ALK: variants seen among roughly 807,000 people sequenced by gnomAD.
ALK encodes the protein ALK receptor tyrosine kinase.
Under a neutral mutation model 163.1 loss-of-function variants are expected in ALK, and 74 were observed. That is an observed-to-expected ratio of 0.45 (90% CI 0.38 to 0.55). The LOEUF (loss-of-function observed/expected upper bound fraction) is 0.55, where lower values mean the gene tolerates loss of function less well. ALK is among the 20% of genes least tolerant of loss of function. ALK has a pLI of 0.00. For synonymous variants in ALK, 960 were observed against 843.2 expected (o/e 1.14, Z -2.40); for missense variants, 2,063 against 2,105.3 (o/e 0.98, Z 0.39).
chr2:29,502,139 C>T (rs143896626), intron 4 of ALK, among the ~76,000 whole-genome samples: 6 of 152,270 alleles, frequency 3.9e-5, no homozygotes, highest in South Asian at 4.1e-4. Context: ...CACAGGTACA[C>T]GCTGGAGAAT....
intron 5 of ALK, among the ~76,000 whole-genome samples, chr2:29,339,951 C>T (rs1244725409): frequency 1.3e-5 from 2 of 152,166 alleles, no homozygotes; most frequent in African/African-American, 2.4e-5. Flanking sequence ...TTTTTGTGGT[C>T]GGGTTCTCCG....
At chr2:29,445,773 C>T (rs887552179) in intron 4 of ALK, among the ~76,000 whole-genome samples, 1 of 151,342 alleles carries the variant, frequency 6.6e-6, no homozygotes, top group Non-Finnish European at 1.5e-5. Context: ...AGTGAGCAGA[C>T]ACTGCACCAT....
At chr2:29,464,012 C>A (rs776565675) in intron 4 of ALK, among the ~76,000 whole-genome samples, 2 of 152,172 alleles carry the variant, frequency 1.3e-5, no homozygotes, top group African/African-American at 2.4e-5. Flanking sequence ...CTGAGTCTGA[C>A]ACAGCAAAAC....
chr2:29,639,903 T>C (rs1312245404), intron 3 of ALK, among the ~76,000 whole-genome samples: 1 of 152,274 alleles, frequency 6.6e-6, no homozygotes, highest in East Asian at 1.9e-4. Context: ...CATCCACATA[T>C]CCTCCCAGAG....
intron 1 of ALK, among the ~76,000 whole-genome samples, chr2:29,754,306 C>T (rs1680453941): frequency 6.6e-6 from 1 of 152,114 alleles, no homozygotes; most frequent in Non-Finnish European, 1.5e-5. Flanking sequence ...AGCCTTTCTC[C>T]CTGCCTGCAT....
At chr2:29,533,447 G>T (rs977517044) in intron 3 of ALK, among the ~76,000 whole-genome samples, 1 of 152,184 alleles carries the variant, frequency 6.6e-6, no homozygotes, top group African/African-American at 2.4e-5. Flanking sequence ...TAGTTTGAAA[G>T]TTAAGACCAT....
intron 3 of ALK, among the ~76,000 whole-genome samples, chr2:29,675,780 A>G (rs778146392): frequency 8.6e-5 from 13 of 151,986 alleles, no homozygotes; most frequent in Non-Finnish European, 1.9e-4. Flanking sequence ...TTTCCTGTGT[A>G]GCAAACATTG....
At chr2:29,468,034 ATT>A (rs200416113) in intron 4 of ALK, among the ~76,000 whole-genome samples, 1 of 146,858 alleles carries the variant, frequency 6.8e-6, no homozygotes, top group African/African-American at 2.5e-5. Flanking sequence ...GTCCTCAATA[ATT>A]TTTTTTTTTT....
intron 4 of ALK, among the ~76,000 whole-genome samples, chr2:29,408,622 A>G (rs1313452025): frequency 6.6e-6 from 1 of 152,238 alleles, no homozygotes; most frequent in Non-Finnish European, 1.5e-5. Flanking sequence ...AAAGAGGCTT[A>G]TGTAGTACTC....
chr2:29,674,347 C>T (rs1324184154), intron 3 of ALK, among the ~76,000 whole-genome samples: 3 of 151,656 alleles, frequency 2.0e-5, no homozygotes, highest in East Asian at 1.9e-4. Context: ...GAAATACGTC[C>T]CATCAATACC....
At chr2:29,868,868 G>T (rs1263107352) in intron 1 of ALK, among the ~76,000 whole-genome samples, 1 of 152,142 alleles carries the variant, frequency 6.6e-6, no homozygotes, top group African/African-American at 2.4e-5. Context: ...CATATAAAGG[G>T]TAGTAAACCT....
At chr2:29,438,758 T>G (rs1228418695) in intron 4 of ALK, among the ~76,000 whole-genome samples, 1 of 152,204 alleles carries the variant, frequency 6.6e-6, no homozygotes, top group East Asian at 1.9e-4. Context: ...AGCAAATACC[T>G]TAGACTGACA....
intron 3 of ALK, among the ~76,000 whole-genome samples, chr2:29,607,320 C>G (rs1034440902): frequency 1.2e-4 from 19 of 152,202 alleles, no homozygotes; most frequent in Non-Finnish European, 1.5e-5. Flanking sequence ...CATACTTTCT[C>G]TCCTTACTGG....
At chr2:29,287,942 G>A (rs1665903309) in intron 9 of ALK, among the ~76,000 whole-genome samples, 1 of 152,004 alleles carries the variant, frequency 6.6e-6, no homozygotes, top group Admixed American at 6.5e-5. Context: ...GAGTGGAGAT[G>A]TAATGTTACT....
At chr2:29,880,494 A>C (rs1490449380) in intron 1 of ALK, among the ~76,000 whole-genome samples, 3 of 152,116 alleles carry the variant, frequency 2.0e-5, no homozygotes, top group Non-Finnish European at 2.9e-5. Context: ...CCCACTTTGG[A>C]CCAAATTAAA....
chr2:29,629,531 T>C (rs1226896255), intron 3 of ALK, among the ~76,000 whole-genome samples: 1 of 152,170 alleles, frequency 6.6e-6, no homozygotes, highest in African/African-American at 2.4e-5. Flanking sequence ...TAGAGGAAAA[T>C]CTTGAATAAT....
intron 25 of ALK, among the ~76,000 whole-genome samples, chr2:29,207,837 T>C (rs1669352549): frequency 6.6e-6 from 1 of 152,234 alleles, no homozygotes; most frequent in Admixed American, 6.5e-5. Flanking sequence ...GTAGATGAGT[T>C]AATTTATTAG....
chr2:29,390,226 G>C (rs1669130703), intron 4 of ALK, among the ~76,000 whole-genome samples: 1 of 152,154 alleles, frequency 6.6e-6, no homozygotes, highest in African/African-American at 2.4e-5. Context: ...GAAGCTACAA[G>C]ATGTGGCTAT....
chr2:29,284,971 C>G (rs1466620554), intron 9 of ALK, among the ~76,000 whole-genome samples: 1 of 152,206 alleles, frequency 6.6e-6, no homozygotes, highest in Non-Finnish European at 1.5e-5. Flanking sequence ...GCCTTATTTG[C>G]TACCCTGCCA....
Sources: allele counts gnomAD v4.1 joint callset (sites outside exome capture counted in the v4.1 genomes callset), GRCh38; gene constraint gnomAD v4.1.1; transcripts MANE v1.5; gene names NCBI Gene and HGNC (gene_info 2026-07-23, HGNC 2026-07-21).